Variants in KCNMA1 observed in about 807,000 individuals in gnomAD.
KCNMA1 encodes the protein potassium calcium-activated channel subfamily M alpha 1.
In KCNMA1, 29 loss-of-function variants were observed where a neutral mutation model predicts 140.0. That is an observed-to-expected ratio of 0.21 (90% CI 0.15 to 0.28). The LOEUF is 0.28. KCNMA1 is among the 10% of genes least tolerant of loss of function. The probability of loss-of-function intolerance (pLI) is 1.00; values close to 1 mark genes in which losing one functional copy is unlikely to be tolerated. For synonymous variants in KCNMA1, 612 were observed against 611.9 expected (o/e 1.00, Z 0.00); for missense variants, 880 against 1,602.2 (o/e 0.55, Z 7.70).
At chr10:77,046,472 T>TG (rs1321128286) in intron 14 of KCNMA1, among the ~76,000 whole-genome samples, 6 of 152,154 alleles carry the variant, frequency 3.9e-5, no homozygotes, top group Non-Finnish European at 8.8e-5. Flanking sequence ...AGTTGATGAA[T>TG]GTTTGGGCTG....
At chr10:76,986,080 G>T (rs1161252991) in intron 19 of KCNMA1, among the ~76,000 whole-genome samples, 3 of 152,150 alleles carry the variant, frequency 2.0e-5, no homozygotes, top group African/African-American at 7.2e-5. Context: ...AAACTACCAT[G>T]CTGATAACAT....
intron 2 of KCNMA1, among the ~76,000 whole-genome samples, chr10:77,387,540 C>CT (rs2095647130): frequency 1.3e-5 from 2 of 148,534 alleles, no homozygotes; most frequent in Admixed American, 1.3e-4. Flanking sequence ...CTTTTCTTTT[C>CT]TTTTCTTTTC....
At chr10:77,573,337 A>G (rs1252485534) in intron 1 of KCNMA1, among the ~76,000 whole-genome samples, 3 of 152,168 alleles carry the variant, frequency 2.0e-5, no homozygotes, top group African/African-American at 7.2e-5. Context: ...TGTAGGCATA[A>G]AACCACAGGA....
chr10:77,100,903 TACG>T (rs1270865572), intron 9 of KCNMA1, among the ~76,000 whole-genome samples: 1 of 151,898 alleles, frequency 6.6e-6, no homozygotes. Context: ...TAGGCTTGAA[TACG>T]ACTTTTTTTT....
chr10:77,019,035 T>C lies in KCNMA1; in HGVS notation c.1993A>G (p.Ser665Gly). Reference protein sequence around the residue: ...QEGTLGFFIASDAKEVKRAFF... With the variant: ...QEGTLGFFIAGDAKEVKRAFF... The stretch of plus-strand genomic sequence containing the variant: ...TACCTTTTAACTTCTTTGGCATCAC[T>C]TGCGATGAAAAATCCTAAAGTACCT... Residue 665 changes from serine (S) to glycine (G), a missense_variant, in exon 17 of 28, where the codon AGT becomes GGT. Around this residue, in one of 13 missense-constraint regions of KCNMA1, gnomAD observed 196 missense variants for 233.0 expected, o/e 0.84. Transcript: ENST00000286628. 6.3e-7 allele frequency: 1 copy of C among 1,592,820 alleles called. No homozygotes were observed. The highest frequency in any genetic ancestry group is 8.6e-7 in the Non-Finnish European group (1 of 1,160,858).
intron 20 of KCNMA1, among the ~76,000 whole-genome samples, chr10:76,969,675 T>C (rs1031568933): frequency 3.3e-5 from 5 of 152,216 alleles, no homozygotes; most frequent in African/African-American, 1.2e-4. Context: ...CACTGCTGTT[T>C]AGGAACTACA....
intron 14 of KCNMA1, among the ~76,000 whole-genome samples, chr10:77,050,279 A>AT (rs34342603): frequency 0.18 from 27,474 of 151,762 alleles, 2,983 homozygotes; most frequent in Middle Eastern, 0.25. Context: ...TTTTCTAAAA[A>AT]AAAAAAATAA....
chr10:77,490,208 A>G (rs1330682847), intron 1 of KCNMA1, among the ~76,000 whole-genome samples: 1 of 152,176 alleles, frequency 6.6e-6, no homozygotes, highest in African/African-American at 2.4e-5. Context: ...GTCGAGAATT[A>G]TTGGGTTTAC....
chr10:77,414,527 T>C (rs1345260472), intron 1 of KCNMA1, among the ~76,000 whole-genome samples: 1 of 152,186 alleles, frequency 6.6e-6, no homozygotes, highest in Non-Finnish European at 1.5e-5. Flanking sequence ...AGTCTCACTC[T>C]GTCGCCCAGG....
intron 2 of KCNMA1, among the ~76,000 whole-genome samples, chr10:77,259,097 A>G (rs1316901534): frequency 2.0e-5 from 3 of 152,210 alleles, no homozygotes; most frequent in African/African-American, 7.2e-5. Flanking sequence ...AGCTAGCACT[A>G]TGAAACATCA....
intron 1 of KCNMA1, among the ~76,000 whole-genome samples, chr10:77,436,535 A>T (rs1328385659): frequency 6.6e-6 from 1 of 152,206 alleles, no homozygotes; most frequent in African/African-American, 2.4e-5. Context: ...TTTGTGCTAC[A>T]TGCTTCACTT....
chr10:77,340,849 C>G (rs995012645), intron 2 of KCNMA1, among the ~76,000 whole-genome samples: 2 of 148,754 alleles, frequency 1.3e-5, no homozygotes, highest in African/African-American at 5.0e-5. Flanking sequence ...TACCCTAGAA[C>G]TTAAAGTATA....
intron 23 of KCNMA1, chr10:76,930,378 T>G (rs548214239): frequency 6.6e-6 from 1 of 152,218 alleles, no homozygotes; most frequent in South Asian, 2.1e-4. Context: ...TATGAAAAGG[T>G]GCTCAATATC....
intron 1 of KCNMA1, among the ~76,000 whole-genome samples, chr10:77,551,135 A>G (rs1274451852): frequency 6.6e-6 from 1 of 152,164 alleles, no homozygotes; most frequent in Admixed American, 6.5e-5. Context: ...CCCAGCTACC[A>G]CTATTTTTAT....
chr10:77,105,075 T>C (rs2097173864), intron 9 of KCNMA1, among the ~76,000 whole-genome samples: 1 of 152,184 alleles, frequency 6.6e-6, no homozygotes, highest in South Asian at 2.1e-4. Flanking sequence ...ACTGAACCCT[T>C]GGTTGTGGAC....
intron 25 of KCNMA1, among the ~76,000 whole-genome samples, chr10:76,894,049 G>T (rs2041434349): frequency 6.6e-6 from 1 of 152,090 alleles, no homozygotes; most frequent in Admixed American, 6.6e-5. Context: ...GAAAGACGAA[G>T]TTGGAAGTTT....
At chr10:77,591,125 C>T (rs1218350942) in intron 1 of KCNMA1, among the ~76,000 whole-genome samples, 1 of 152,214 alleles carries the variant, frequency 6.6e-6, no homozygotes, top group African/African-American at 2.4e-5. Context: ...GACTTCATCT[C>T]AGCCAGCCAA....
intron 19 of KCNMA1, 23 bp from the exon 20 acceptor site, chr10:76,970,090 A>G: frequency 6.3e-7 from 1 of 1,596,670 alleles, no homozygotes; most frequent in Non-Finnish European, 8.6e-7. Context: ...GCAGCTCATG[A>G]GATTATGAAC....
intron 1 of KCNMA1, among the ~76,000 whole-genome samples, chr10:77,612,594 A>T (rs2087373463): frequency 6.6e-6 from 1 of 152,210 alleles, no homozygotes; most frequent in African/African-American, 2.4e-5. Flanking sequence ...CTCCAAGAAC[A>T]GGCGGCTGCA....
Sources: gnomAD v4.1 joint callset for allele counts (sites outside exome capture counted in the v4.1 genomes callset) on GRCh38, gnomAD v4.1.1 for gene constraint, gnomAD v4.1.1 regional missense constraint, MANE v1.5 for transcripts, NCBI Gene and HGNC (gene_info 2026-07-23, HGNC 2026-07-21) for gene names.